Variants in TEKT1 observed in about 807,000 individuals in gnomAD.
TEKT1 encodes the protein tektin 1, also known as tektin-1.
A neutral mutation model predicts 34.8 loss-of-function variants in TEKT1; 32 were observed. That is an observed-to-expected ratio of 0.92 (90% CI 0.69 to 1.23). TEKT1 has a LOEUF of 1.23. Among genes scored for constraint, TEKT1 ranks in the 50% most tolerant of loss-of-function variants. The pLI is 0.00. For synonymous variants in TEKT1, 207 were observed against 199.8 expected, an observed-to-expected ratio of 1.04 and a Z score of -0.30; for missense variants, 492 against 518.5, an observed-to-expected ratio of 0.95 and a Z score of 0.50.
At chr17:6,818,284 C>T (rs564284767) in intron 3 of TEKT1, among the ~76,000 whole-genome samples, 1 of 152,216 alleles carries the variant, frequency 6.6e-6, no homozygotes, top group South Asian at 2.1e-4. Context: ...CACTCAACAG[C>T]CAGTGTGCAG....
In TEKT1 at chr17:6,815,157, A is replaced by G. The variant is rs1976986298; in HGVS notation, c.629+6T>C. 1.2e-6 allele frequency: 2 copies of G among 1,607,742 alleles called. No individual in the cohort carries two copies. Among genetic ancestry groups the G allele is most frequent in the East Asian group, 2.2e-5 (1 of 44,848 alleles). ...CGCGAGGAGGAAGACGGCAAGGCCCACTCACTTTGGCTCAATCCTCACGGC... is the reference window on the plus strand; with the variant it reads ...CGCGAGGAGGAAGACGGCAAGGCCCGCTCACTTTGGCTCAATCCTCACGGC... On this transcript the variant is annotated splice_donor_region_variant and intron_variant, in intron 5 of 7. Coordinates refer to ENST00000338694, the MANE Select transcript of TEKT1 (RefSeq NM_053285.2).
At chr17:6,817,701 T>A (rs1210440450) in intron 3 of TEKT1, among the ~76,000 whole-genome samples, 3 of 152,196 alleles carry the variant, frequency 2.0e-5, no homozygotes, top group Non-Finnish European at 4.4e-5. Context: ...GAGGTTCCCC[T>A]ACTCACTAGC....
Position 6,800,174 on chromosome 17 carries a change from A to C in TEKT1, c.1110T>G (p.Leu370=). Residue 370 remains leucine (L), a synonymous_variant, in exon 8 of 8, where the codon CTT becomes CTG. Transcript: ENST00000338694. ...AELKGLHRRQ[L]ALQEEIQVKE... is the part of the protein sequence containing the mutation. The stretch of plus-strand genomic sequence containing the variant: ...TGACCTGGATCTCCTCCTGCAGGGC[A>C]AGCTGTCTGCGATGCAGCCCTTTCA... The C allele has an allele frequency of 6.2e-7, 1 of 1,614,220 alleles. No individual in the cohort carries two copies.
chr17:6,826,633 T>C (rs1567682242), intron 2 of TEKT1, among the ~76,000 whole-genome samples: 1 of 150,098 alleles, frequency 6.7e-6, no homozygotes, highest in African/African-American at 2.5e-5. Context: ...GATAGATAGA[T>C]AGATAGATAG....
rs909930006 is a variant in TEKT1, at chr17:6,811,856, G to A, written c.852+975C>T. Among the ~76,000 whole-genome samples the A allele has an allele frequency of 2.0e-4, 31 of 152,140 alleles. No individual in the cohort carries two copies. Among genetic ancestry groups the A allele is most frequent in the African/African-American group, 7.2e-4 (30 of 41,428 alleles). ...CCAATGTGGGAGTATTTGTACTACA[G>A]ACATCGACAAATTCTACAGGAAGGA... On this transcript the variant is annotated intron_variant, in intron 6 of 7. Coordinates refer to ENST00000338694, the MANE Select transcript of TEKT1 (RefSeq NM_053285.2). This position sits in a 1 kb window ranked among gnomAD's most constrained non-coding sequence, Gnocchi z 4.4.
At chr17:6,804,027 T>C (rs1395154078) in intron 6 of TEKT1, among the ~76,000 whole-genome samples, 3 of 152,224 alleles carry the variant, frequency 2.0e-5, no homozygotes, top group Non-Finnish European at 4.4e-5. Context: ...GGGGATGGCA[T>C]TGAATCTATA....
chr17:6,800,707 T>G, intron 7 of TEKT1, 40 bp downstream of exon 7: 2 of 1,578,388 alleles, frequency 1.3e-6, no homozygotes, highest in Non-Finnish European at 1.7e-6. Context: ...AGGTTGGGAT[T>G]GAGACCCGAA....
At chr17:6,804,256 CTGTT>C (rs1383144774) in intron 6 of TEKT1, among the ~76,000 whole-genome samples, 18 of 152,066 alleles carry the variant, frequency 1.2e-4, no homozygotes, top group Non-Finnish European at 2.1e-4. Flanking sequence ...ATTTGGCTCT[CTGTT>C]TGTCTGTTAT....
intron 7 of TEKT1, 74 bp from the exon 8 acceptor site, chr17:6,800,308 C>A: frequency 7.2e-7 from 1 of 1,392,100 alleles, no homozygotes; most frequent in African/African-American, 1.4e-5. Flanking sequence ...GAATGTTCCC[C>A]AGTGTTCAGT....
At chr17:6,813,600 T>C (rs896844389) in intron 5 of TEKT1, among the ~76,000 whole-genome samples, 1 of 139,814 alleles carries the variant, frequency 7.2e-6, no homozygotes, top group Non-Finnish European at 1.5e-5. Context: ...ACATATCTAG[T>C]ATATAATGCT....
At chr17:6,825,871 A>G (rs974857257) in intron 2 of TEKT1, among the ~76,000 whole-genome samples, 5 of 146,696 alleles carry the variant, frequency 3.4e-5, no homozygotes, top group Admixed American at 3.3e-4. Flanking sequence ...GCATGTGGGT[A>G]GTTTCCAGTT....
At chr17:6,820,165 C>T (rs28396594) in intron 2 of TEKT1, among the ~76,000 whole-genome samples, 7,090 of 152,152 alleles carry the variant, frequency 0.047, 526 homozygotes, top group African/African-American at 0.16. Flanking sequence ...AGTAAACTTA[C>T]TATTTATTTA....
chr17:6,810,723 C>A (rs1042406961), intron 6 of TEKT1, among the ~76,000 whole-genome samples: 1 of 152,028 alleles, frequency 6.6e-6, no homozygotes, highest in South Asian at 2.1e-4. Flanking sequence ...CATACAGTGA[C>A]ATCTTACTAT....
chr17:6,798,720 T>C lies in TEKT1; in HGVS notation c.*1307A>G, dbSNP rs1427528708. On this transcript the variant is annotated 3_prime_UTR_variant, in exon 8 of 8. Transcript: ENST00000338694. ...GTCTCTGGACCAAGGAGCACCTAGA[T>C]TGCAAAGCTCCCAGGAATTAGGCCC... 6.6e-6 allele frequency: 1 copy of C among 152,190 alleles called. No homozygotes were observed. Among genetic ancestry groups the C allele is most frequent in the African/African-American group, 2.4e-5 (1 of 41,438 alleles). 9.4% of individuals were successfully genotyped at this position (152,190 alleles called of 1,614,324 possible).
chr17:6,828,308 G>A (rs929284997), intron 2 of TEKT1, among the ~76,000 whole-genome samples: 2 of 152,120 alleles, frequency 1.3e-5, no homozygotes, highest in Non-Finnish European at 2.9e-5. Context: ...CTACAGGGTG[G>A]TATCAATGTA....
At chr17:6,804,564 G>C (rs950977355) in intron 6 of TEKT1, among the ~76,000 whole-genome samples, 1 of 152,108 alleles carries the variant, frequency 6.6e-6, no homozygotes, top group African/African-American at 2.4e-5. Context: ...TGTTTCCAGT[G>C]TTTGCCCATT....
chr17:6,803,529 T>A (rs975819403), intron 6 of TEKT1, among the ~76,000 whole-genome samples: 51 of 152,346 alleles, frequency 3.3e-4, no homozygotes, highest in Non-Finnish European at 5.6e-4. Context: ...CATGAAGTCC[T>A]TGCCCATGCC....
chr17:6,812,301 C>T (rs1367198222), intron 6 of TEKT1, among the ~76,000 whole-genome samples: 4 of 152,010 alleles, frequency 2.6e-5, no homozygotes, highest in Admixed American at 6.6e-5. Context: ...TAGCTCTTTA[C>T]GGTGGTGTGA....
chr17:6,812,076 C>T (rs1976936322), intron 6 of TEKT1, among the ~76,000 whole-genome samples: 1 of 152,060 alleles, frequency 6.6e-6, no homozygotes, highest in African/African-American at 2.4e-5. Context: ...TTCCCCCATG[C>T]TGTTCTCATG....
Sources: allele counts gnomAD v4.1 joint callset (sites outside exome capture counted in the v4.1 genomes callset), GRCh38; gene constraint gnomAD v4.1.1; non-coding constraint Gnocchi (gnomAD v3.1); transcripts MANE v1.5; gene names NCBI Gene and HGNC (gene_info 2026-07-23, HGNC 2026-07-21).